The following CYYR1 variants were observed in gnomAD, a reference collection of about 807,000 sequenced individuals.
The protein encoded by CYYR1 is cysteine and tyrosine rich 1, also known as cysteine and tyrosine-rich protein 1.
In CYYR1, 14 loss-of-function variants were observed where a neutral mutation model predicts 15.2. That is an observed-to-expected ratio of 0.92 (90% CI 0.61 to 1.44). The LOEUF is 1.44. Among genes scored for constraint, CYYR1 ranks in the 40% most tolerant of loss-of-function variants. The probability of loss-of-function intolerance (pLI) is 0.00; values close to 1 mark genes in which losing one functional copy is unlikely to be tolerated. For missense variants in CYYR1, 228 were observed against 209.5 expected (o/e 1.09, Z -0.54); for synonymous variants, 80 against 77.4 (o/e 1.03, Z -0.18).
At chr21:26,539,342 G>A (rs1359269960) in intron 2 of CYYR1, among the ~76,000 whole-genome samples, 1 of 152,022 alleles carries the variant, frequency 6.6e-6, no homozygotes, top group Non-Finnish European at 1.5e-5. Context: ...CTTCAGTGGG[G>A]AGGCTTTTCC....
At chr21:26,494,246 A>G (rs1384633117) in intron 2 of CYYR1, among the ~76,000 whole-genome samples, 1 of 152,212 alleles carries the variant, frequency 6.6e-6, no homozygotes, top group East Asian at 1.9e-4. Context: ...ATTAGAAGTG[A>G]GTTAAATTTC....
At chr21:26,518,938 G>A (rs1209298385) in intron 2 of CYYR1, among the ~76,000 whole-genome samples, 1 of 152,096 alleles carries the variant, frequency 6.6e-6, no homozygotes, top group Non-Finnish European at 1.5e-5. Context: ...AATAGCTTTG[G>A]GTAAACCATC....
chr21:26,564,731 G>A (rs2123727751), intron 2 of CYYR1: 1 of 1,213,248 alleles, frequency 8.2e-7, no homozygotes, highest in African/African-American at 1.5e-5. Flanking sequence ...TGAATCAAGA[G>A]CTAAGCTAGG....
At chr21:26,485,445 T>G (rs2065237271) in intron 2 of CYYR1, among the ~76,000 whole-genome samples, 1 of 152,138 alleles carries the variant, frequency 6.6e-6, no homozygotes, top group Non-Finnish European at 1.5e-5. Context: ...TATTTCCCTT[T>G]CGCTATTACT....
chr21:26,532,619 T>C (rs769657259), intron 2 of CYYR1, among the ~76,000 whole-genome samples: 3 of 152,190 alleles, frequency 2.0e-5, no homozygotes, highest in Non-Finnish European at 4.4e-5. Context: ...TGCTGTTGTT[T>C]AGCAGCTGAT....
intron 2 of CYYR1, among the ~76,000 whole-genome samples, chr21:26,539,767 T>A (rs1978415688): frequency 6.6e-6 from 1 of 152,192 alleles, no homozygotes; most frequent in South Asian, 2.1e-4. Flanking sequence ...TTTTTGAGGT[T>A]TCTTCCCCCG....
chr21:26,482,971 C>T (rs1227206708), intron 2 of CYYR1, among the ~76,000 whole-genome samples: 4 of 151,934 alleles, frequency 2.6e-5, no homozygotes, highest in Non-Finnish European at 5.9e-5. Flanking sequence ...GAAACTTCTC[C>T]ATACAATGTT....
At chr21:26,572,026 G>A (rs995576113) in intron 1 of CYYR1, among the ~76,000 whole-genome samples, 9 of 152,200 alleles carry the variant, frequency 5.9e-5, no homozygotes, top group African/African-American at 2.2e-4. Flanking sequence ...AGTATCAAAG[G>A]TAAATTTCAG....
intron 2 of CYYR1, among the ~76,000 whole-genome samples, chr21:26,565,180 T>G (rs2123729085): frequency 6.6e-6 from 1 of 152,326 alleles, no homozygotes; most frequent in South Asian, 2.1e-4. Context: ...TTTTGTATTC[T>G]CAGAGTCATG....
chr21:26,474,059 T>A (rs1005359715), intron 3 of CYYR1, among the ~76,000 whole-genome samples: 2 of 150,662 alleles, frequency 1.3e-5, no homozygotes, highest in African/African-American at 4.9e-5. Flanking sequence ...TTTTTTTTTT[T>A]TTTTTGAGAT....
intron 2 of CYYR1, among the ~76,000 whole-genome samples, chr21:26,504,109 A>G (rs1004600653): frequency 6.6e-6 from 1 of 152,226 alleles, no homozygotes; most frequent in African/African-American, 2.4e-5. Context: ...GAGAGGGTTC[A>G]AGAATCCAGC....
At chr21:26,491,601 A>C (rs1472213018) in intron 2 of CYYR1, among the ~76,000 whole-genome samples, 1 of 152,216 alleles carries the variant, frequency 6.6e-6, no homozygotes, top group African/African-American at 2.4e-5. Context: ...CTGGATATTT[A>C]AAGATTTAAT....
At chr21:26,482,557 T>G (rs991611037) in intron 2 of CYYR1, 49 of 972,338 alleles carry the variant, frequency 5.0e-5, no homozygotes, top group Non-Finnish European at 5.9e-5. Flanking sequence ...AACTGCATTG[T>G]TTGTTGAAGC....
intron 2 of CYYR1, among the ~76,000 whole-genome samples, chr21:26,493,924 G>A (rs1024418559): frequency 1.3e-5 from 2 of 152,170 alleles, no homozygotes; most frequent in Admixed American, 6.5e-5. Context: ...TAGGAAGTTT[G>A]CTTTACTTGT....
intron 2 of CYYR1, among the ~76,000 whole-genome samples, chr21:26,515,338 C>A (rs2123533944): frequency 6.6e-6 from 1 of 152,216 alleles, no homozygotes; most frequent in East Asian, 1.9e-4. Context: ...AAAATCCACC[C>A]TGATCTCTTT....
At chr21:26,474,877 T>A (rs1411406755) in intron 3 of CYYR1, among the ~76,000 whole-genome samples, 1 of 152,196 alleles carries the variant, frequency 6.6e-6, no homozygotes, top group Non-Finnish European at 1.5e-5. Flanking sequence ...TGATGTCACC[T>A]CTTTCCTGTC....
chr21:26,535,094 C>G (rs760965204), intron 2 of CYYR1, among the ~76,000 whole-genome samples: 24 of 151,994 alleles, frequency 1.6e-4, no homozygotes, highest in Non-Finnish European at 2.9e-4. Context: ...ACACCGGGGA[C>G]TACTGTGGGG....
At chr21:26,568,379 A>G (rs1390937883) in intron 1 of CYYR1, 1 of 152,184 alleles carries the variant, frequency 6.6e-6, no homozygotes, top group Non-Finnish European at 1.5e-5. Context: ...TCCCTACTCA[A>G]TAAATGGTGT....
chr21:26,506,615 G>C (rs1264760593), intron 2 of CYYR1: 5 of 152,116 alleles, frequency 3.3e-5, no homozygotes, highest in Non-Finnish European at 5.9e-5. Flanking sequence ...CAGTGTTTTT[G>C]GTATGAAGAT....
Sources: allele counts gnomAD v4.1 joint callset (sites outside exome capture counted in the v4.1 genomes callset), GRCh38; gene constraint gnomAD v4.1.1; transcripts MANE v1.5; gene names NCBI Gene and HGNC (gene_info 2026-07-23, HGNC 2026-07-21).